PIEZO2: variants seen among roughly 807,000 people sequenced by gnomAD.
The protein encoded by PIEZO2 is piezo-type mechanosensitive ion channel component 2.
PIEZO2 carries 172 observed loss-of-function variants against 337.3 expected under a neutral mutation model. The observed-to-expected ratio is 0.51, with a 90% CI of 0.45 to 0.58. PIEZO2 has a LOEUF of 0.58. Ranked by LOEUF, PIEZO2 falls within the 20% of genes least tolerant of loss-of-function variation. The pLI, the probability that PIEZO2 is intolerant of heterozygous loss-of-function variation, is 0.00. For missense variants in PIEZO2, 3,028 were observed against 3,391.3 expected (o/e 0.89, Z 2.66); for synonymous variants, 1,251 against 1,228.5 (o/e 1.02, Z -0.38).
At chr18:11,085,130 G>A (rs2038869301) in intron 1 of PIEZO2, among the ~76,000 whole-genome samples, 2 of 152,156 alleles carry the variant, frequency 1.3e-5, no homozygotes, top group African/African-American at 4.8e-5. Flanking sequence ...ATGAACATAA[G>A]AGGACTCAGA....
At position 10,678,023 on chromosome 18, in the gene PIEZO2, C is replaced by A. The variant is rs564411916; in HGVS notation, c.7953-148G>T. The A allele has an allele frequency of 9.5e-6, 7 of 738,272 alleles. No individual in the cohort carries two copies. The South Asian group carries it at 1.0e-4, about 11-fold the overall frequency. 45.7% of individuals were successfully genotyped at this position (738,272 alleles called of 1,614,324 possible). On this transcript the variant is annotated intron_variant, in intron 52 of 55. Coordinates refer to ENST00000674853, the MANE Select transcript of PIEZO2 (RefSeq NM_001378183.1). ...CAATCCTGACCCTTTCAGTCTACTT[C>A]ACCTCAATGCTCAGCTTCTTAGACA...
At chr18:10,723,741 T>C (rs9951599) in intron 36 of PIEZO2, among the ~76,000 whole-genome samples, 1 of 152,076 alleles carries the variant, frequency 6.6e-6, no homozygotes. Context: ...GAGCGCCCTG[T>C]CACTGGCCTT....
chr18:11,031,779 C>A lies in PIEZO2; in HGVS notation c.160+34348G>T, dbSNP rs1210690194. ...TGGTCCCTGGGGCAAAAGTTGAGAA[C>A]TGGGACATTAAGGTATGGGGCATGA... is the stretch of plus-strand genomic sequence containing the variant. On this transcript the variant is annotated intron_variant, in intron 2 of 55. Coordinates refer to ENST00000674853, the MANE Select transcript of PIEZO2 (RefSeq NM_001378183.1). The surrounding 1 kb of genome is among the most constrained non-coding windows in gnomAD (Gnocchi z 4.7). Among the ~76,000 whole-genome samples, 1 of 152,118 alleles carries A rather than the reference C, an allele frequency of 6.6e-6. No individual in the cohort carries two copies. The highest frequency in any genetic ancestry group is 1.5e-5 in the Non-Finnish European group (1 of 68,026).
Position 10,691,768 on chromosome 18 carries a change from A to AACACACACACACACACACAC in PIEZO2, c.7191-386_7191-385insGTGTGTGTGTGTGTGTGTGT, listed in dbSNP as rs1339141004. On this transcript the variant is annotated intron_variant, in intron 47 of 55. Coordinates refer to ENST00000674853, the MANE Select transcript of PIEZO2 (RefSeq NM_001378183.1). Reference sequence around the variant, plus strand: ...ATATGATATATTAAAAATATATATAAACACACACACACACATATATATATA... The same window carrying AACACACACACACACACACAC: ...ATATGATATATTAAAAATATATATAAACACACACACACACACACACACACACACACACACATATATATATA... Among the ~76,000 whole-genome samples the AACACACACACACACACACAC allele has an allele frequency of 1.9e-4, 14 of 75,100 alleles. 2 individuals carry two copies. Among genetic ancestry groups the AACACACACACACACACACAC allele is most frequent in the Admixed American group, 7.8e-4 (5 of 6,422 alleles). The allele number at this position is 75,100 out of a possible 152,430, so 49.3% of individuals were successfully genotyped here.
At position 11,102,272 on chromosome 18, in the gene PIEZO2, T is replaced by G. The variant is rs1178361351; in HGVS notation, c.65-36050A>C. Among the ~76,000 whole-genome samples, 1 of 152,232 alleles carries G rather than the reference T, an allele frequency of 6.6e-6. No homozygotes were observed. The highest frequency in any genetic ancestry group is 1.5e-5 in the Non-Finnish European group (1 of 68,046). On this transcript the variant is annotated intron_variant, in intron 1 of 55. Transcript: ENST00000674853. The surrounding 1 kb of genome is among the most constrained non-coding windows in gnomAD (Gnocchi z 5.7). ...TAAAATGTATCCAGTGAGCTTAATC[T>G]TCCCTTGCCCTGCGATAAAAACCTG...
intron 1 of PIEZO2, among the ~76,000 whole-genome samples, chr18:11,079,945 A>C (rs1475555069): frequency 6.6e-6 from 1 of 152,232 alleles, no homozygotes; most frequent in East Asian, 1.9e-4. Flanking sequence ...TAAAAAAACT[A>C]GGTTGTCAAA....
chr18:10,800,168 T>G (rs920459619), intron 11 of PIEZO2, among the ~76,000 whole-genome samples, 169 bp downstream of exon 11: 3 of 152,236 alleles, frequency 2.0e-5, no homozygotes, highest in Admixed American at 6.5e-5. Flanking sequence ...AGAACACAAC[T>G]AGCAATATGC....
intron 39 of PIEZO2, among the ~76,000 whole-genome samples, chr18:10,711,108 A>G (rs1050716796): frequency 6.6e-6 from 1 of 152,228 alleles, no homozygotes; most frequent in Non-Finnish European, 1.5e-5. Flanking sequence ...CTCTTAACTC[A>G]CAATTTTTTA....
chr18:10,723,400 A>T (rs1354736963), intron 36 of PIEZO2, among the ~76,000 whole-genome samples: 1 of 152,146 alleles, frequency 6.6e-6, no homozygotes, highest in Non-Finnish European at 1.5e-5. Context: ...TTTAAGAGAG[A>T]ACGGGAAAGA....
intron 22 of PIEZO2, 130 bp from the exon 23 acceptor site, chr18:10,762,755 C>T: frequency 7.5e-7 from 1 of 1,328,352 alleles, no homozygotes; most frequent in Middle Eastern, 2.5e-4. Context: ...TCAGGGGAGA[C>T]CTCAGTATGA....
At position 10,775,518 on chromosome 18, in the gene PIEZO2, T is replaced by G. The variant is rs2038753510; in HGVS notation, c.2535-1480A>C. Among the ~76,000 whole-genome samples the G allele has an allele frequency of 6.6e-6, 1 of 152,222 alleles. No individual in the cohort carries two copies. Among genetic ancestry groups the G allele is most frequent in the Admixed American group, 6.5e-5 (1 of 15,284 alleles). On this transcript the variant is annotated intron_variant, in intron 18 of 55. Transcript: ENST00000674853. This position sits in a 1 kb window ranked among gnomAD's most constrained non-coding sequence, Gnocchi z 4.3. Reference sequence around the variant, plus strand: ...GAATCTTAAAGGTCTACATTGACACTGCTGCAATCTCATACGACAAGAAAA... The same window carrying G: ...GAATCTTAAAGGTCTACATTGACACGGCTGCAATCTCATACGACAAGAAAA...
At chr18:10,918,997 C>T (rs906931949) in intron 3 of PIEZO2, among the ~76,000 whole-genome samples, 31 of 151,932 alleles carry the variant, frequency 2.0e-4, no homozygotes, top group South Asian at 2.1e-4. Flanking sequence ...TTTTGATTAA[C>T]GCTACCAAAA....
intron 4 of PIEZO2, among the ~76,000 whole-genome samples, chr18:10,880,096 G>A (rs1350131375): frequency 6.6e-6 from 1 of 152,168 alleles, no homozygotes; most frequent in Admixed American, 6.5e-5. Flanking sequence ...ATACAAAAGT[G>A]TATCTTTAAT....
chr18:10,795,130 T>C lies in PIEZO2; in HGVS notation c.1528-128A>G, dbSNP rs7237911. 0.15 allele frequency: 123,656 copies of C among 821,838 alleles called. 11,708 individuals carry two copies. The highest frequency in any genetic ancestry group is 0.39 in the East Asian group (14,565 of 37,246). 50.9% of individuals were successfully genotyped at this position (821,838 alleles called of 1,614,324 possible). On this transcript the variant is annotated intron_variant, in intron 12 of 55. Transcript: ENST00000674853. The surrounding 1 kb of genome is among the most constrained non-coding windows in gnomAD (Gnocchi z 4.4). ...TCAAACCAGGGAGAGTAGAGAGTTG[T>C]GGTGGAGTGATGGAGACCCCAAGCC...
rs181903416 is a variant in PIEZO2, at chr18:10,936,954, C to T, written c.287-25726G>A. Among the ~76,000 whole-genome samples, 13 of 152,264 alleles carry T rather than the reference C, an allele frequency of 8.5e-5. No homozygotes were observed. In the East Asian group the frequency reaches 2.5e-3, roughly 29 times the overall value. ...TTGTGAATCCCCCCATGACTTCTTC[C>T]CTTACGGTCCTGGAGATCTGGGAAG... is the stretch of plus-strand genomic sequence containing the variant. On this transcript the variant is annotated intron_variant, in intron 3 of 55. Coordinates refer to ENST00000674853, the MANE Select transcript of PIEZO2 (RefSeq NM_001378183.1).
intron 4 of PIEZO2, among the ~76,000 whole-genome samples, chr18:10,905,133 C>T (rs2043143223): frequency 6.6e-6 from 1 of 152,162 alleles, no homozygotes; most frequent in Non-Finnish European, 1.5e-5. Flanking sequence ...AAATAGGTTG[C>T]TAAACTTTTC....
At position 10,857,153 on chromosome 18, in the gene PIEZO2, C is replaced by T; in HGVS notation, c.551G>A (p.Gly184Glu). 1.3e-6 allele frequency: 2 copies of T among 1,537,894 alleles called. No individual in the cohort carries two copies. Among genetic ancestry groups the T allele is most frequent in the Non-Finnish European group, 1.7e-6 (2 of 1,147,054 alleles). The part of the protein sequence containing the change: ...EALIYEEDFN[G>E]GDGVEGELEE... ...CAACTCGCCTTCAACACCATCTCCT[C>T]CATTGAAATCCTCTTCATAGATCAG... is the stretch of plus-strand genomic sequence containing the variant. Residue 184 changes from glycine (G) to glutamate (E), a missense_variant, in exon 6 of 56, where the codon GGA becomes GAA. By Grantham distance (98) the Gly-to-Glu change is moderately conservative (BLOSUM62 -2). Around this residue, in one of 5 missense-constraint regions of PIEZO2, gnomAD observed 542 missense variants for 605.6 expected, o/e 0.89. Coordinates refer to ENST00000674853, the MANE Select transcript of PIEZO2 (RefSeq NM_001378183.1).
At chr18:10,938,427 C>A (rs962785438) in intron 3 of PIEZO2, among the ~76,000 whole-genome samples, 1 of 152,190 alleles carries the variant, frequency 6.6e-6, no homozygotes. Flanking sequence ...TAGGCACTGA[C>A]TTCTGCCAAA....
At position 10,971,008 on chromosome 18, in the gene PIEZO2, C is replaced by T. The variant is rs772013202; in HGVS notation, c.286+8527G>A. ...TTTCCACCGATGGGAAGGACAGTTA[C>T]CAGAACAAGGAAAGTCACTGCCCCT... is the stretch of plus-strand genomic sequence containing the variant. On this transcript the variant is annotated intron_variant, in intron 3 of 55. Transcript: ENST00000674853. Among the ~76,000 whole-genome samples the T allele has an allele frequency of 4.9e-4, 75 of 152,120 alleles. 1 individual carries two copies. Among genetic ancestry groups the T allele is most frequent in the Non-Finnish European group, 2.9e-4 (20 of 68,008 alleles).
Sources: gnomAD v4.1 joint callset for allele counts (sites outside exome capture counted in the v4.1 genomes callset) on GRCh38, gnomAD v4.1.1 for gene constraint, gnomAD v4.1.1 regional missense constraint, Gnocchi (gnomAD v3.1) non-coding constraint, MANE v1.5 for transcripts, NCBI Gene and HGNC (gene_info 2026-07-23, HGNC 2026-07-21) for gene names.